Variants in METTL24 observed in about 807,000 individuals in gnomAD.
The protein encoded by METTL24 is probable methyltransferase-like protein 24.
Under a neutral mutation model 32.7 loss-of-function variants are expected in METTL24, and 29 were observed. That is an observed-to-expected ratio of 0.89 (90% CI 0.66 to 1.21). The LOEUF is 1.21. Ranked by LOEUF, METTL24 falls within the 50% of genes most tolerant of loss-of-function variation. The pLI is 0.00. For missense variants in METTL24, 439 were observed against 468.1 expected (o/e 0.94, Z 0.57); for synonymous variants, 163 against 179.5 (o/e 0.91, Z 0.73).
In METTL24 at chr6:110,271,310, T is replaced by C. The variant is rs186450071; in HGVS notation, c.787-25050A>G. ...ACGTTCTTTGTCTTTTTATTTTCTT[T>C]TTTGAGATAGGGTCTCGCTCTGTCG... On this transcript the variant is annotated intron_variant, in intron 4 of 4. Transcript: ENST00000338882. Among the ~76,000 whole-genome samples the C allele has an allele frequency of 3.9e-5, 6 of 152,142 alleles. No homozygotes were observed. The East Asian group carries it at 1.2e-3, about 30-fold the overall frequency.
chr6:110,302,249 G>C (rs1490994136), intron 3 of METTL24, among the ~76,000 whole-genome samples: 1 of 151,530 alleles, frequency 6.6e-6, no homozygotes, highest in Non-Finnish European at 1.5e-5. Flanking sequence ...CTGCACTCCA[G>C]CCTGGGTGAC....
intron 4 of METTL24, among the ~76,000 whole-genome samples, chr6:110,249,405 G>A (rs1323866161): frequency 6.6e-6 from 1 of 151,722 alleles, no homozygotes; most frequent in East Asian, 1.9e-4. Flanking sequence ...AATCAGAATT[G>A]TATAAGTTGA....
chr6:110,279,937 G>A (rs114056220), intron 4 of METTL24, among the ~76,000 whole-genome samples: 5,491 of 152,192 alleles, frequency 0.036, 330 homozygotes, highest in African/African-American at 0.12. Flanking sequence ...TTCTGGTAAG[G>A]CCTCAGGAAA....
intron 4 of METTL24, among the ~76,000 whole-genome samples, chr6:110,284,442 C>T (rs529081707): frequency 6.6e-5 from 10 of 152,040 alleles, no homozygotes; most frequent in South Asian, 2.1e-4. Context: ...AAGCACAGGA[C>T]GTTGCACATA....
chr6:110,298,803 A>C (rs1247325368), intron 4 of METTL24, 119 bp downstream of exon 4: 3 of 788,250 alleles, frequency 3.8e-6, no homozygotes, highest in Non-Finnish European at 6.1e-6. Context: ...GGTGATTAGT[A>C]AGATTAAAAT....
At chr6:110,335,386 T>C (rs919471309) in intron 1 of METTL24, among the ~76,000 whole-genome samples, 3 of 152,168 alleles carry the variant, frequency 2.0e-5, no homozygotes, top group African/African-American at 7.2e-5. Context: ...TCTAAGCTGA[T>C]GAAATCTCGA....
At chr6:110,316,474 C>T (rs1771821333) in intron 2 of METTL24, among the ~76,000 whole-genome samples, 1 of 152,220 alleles carries the variant, frequency 6.6e-6, no homozygotes, top group African/African-American at 2.4e-5. Context: ...CATCATGATG[C>T]TCCATGAATG....
intron 3 of METTL24, among the ~76,000 whole-genome samples, chr6:110,314,299 G>C (rs900801688): frequency 6.6e-6 from 1 of 152,128 alleles, no homozygotes. Flanking sequence ...AGAGTCTATG[G>C]AACAGGATGT....
intron 4 of METTL24, among the ~76,000 whole-genome samples, chr6:110,258,105 C>T (rs1778419513): frequency 6.6e-6 from 1 of 152,154 alleles, no homozygotes; most frequent in Non-Finnish European, 1.5e-5. Context: ...ATGCACAGAA[C>T]CTAACACAGA....
At chr6:110,273,068 T>C (rs188092736) in intron 4 of METTL24, among the ~76,000 whole-genome samples, 26 of 152,210 alleles carry the variant, frequency 1.7e-4, no homozygotes, top group African/African-American at 6.3e-4. Flanking sequence ...GTTTTTCCTA[T>C]ATTATCCTCT....
intron 4 of METTL24, among the ~76,000 whole-genome samples, chr6:110,251,964 C>T (rs1408659693): frequency 2.6e-5 from 4 of 151,838 alleles, no homozygotes; most frequent in East Asian, 1.9e-4. Context: ...GCCAACATGG[C>T]GAAATCCCTT....
chr6:110,301,497 G>T (rs972762122), intron 3 of METTL24, among the ~76,000 whole-genome samples: 1 of 152,184 alleles, frequency 6.6e-6, no homozygotes, highest in African/African-American at 2.4e-5. Context: ...CAGTGCTTCT[G>T]TTCTCTCTCT....
At chr6:110,332,234 AT>A (rs757317235) in intron 1 of METTL24, among the ~76,000 whole-genome samples, 5 of 152,250 alleles carry the variant, frequency 3.3e-5, no homozygotes, top group Non-Finnish European at 5.9e-5. Context: ...CCTCTAAGTT[AT>A]TTTGATAAGT....
rs1332142499 is a variant in METTL24 at position 110,346,504 on chromosome 6, C to CTCT, written c.318+11450_318+11451insAGA. Among the ~76,000 whole-genome samples, 12 of 133,978 alleles carry CTCT rather than the reference C, an allele frequency of 9.0e-5. No homozygotes were observed. The East Asian group carries it at 1.3e-3, about 14-fold the overall frequency. 87.9% of individuals were successfully genotyped at this position (133,978 alleles called of 152,430 possible). ...TCCCTATATTATTCTCTCTCTCTCT[C>CTCT]TTTTTTTTTTTTTTTGAGATGGAGT... On this transcript the variant is annotated intron_variant, in intron 1 of 4. Transcript: ENST00000338882.
chr6:110,337,002 C>T (rs1355800795), intron 1 of METTL24, among the ~76,000 whole-genome samples: 1 of 152,088 alleles, frequency 6.6e-6, no homozygotes, highest in African/African-American at 2.4e-5. Context: ...TTCACAATAG[C>T]AAAGACATGG....
At chr6:110,336,551 T>C (rs1772233772) in intron 1 of METTL24, among the ~76,000 whole-genome samples, 1 of 151,924 alleles carries the variant, frequency 6.6e-6, no homozygotes, top group South Asian at 2.1e-4. Flanking sequence ...CCATCCTGGC[T>C]AACACGGTGA....
At chr6:110,255,528 G>A (rs988434866) in intron 4 of METTL24, among the ~76,000 whole-genome samples, 6 of 152,094 alleles carry the variant, frequency 3.9e-5, no homozygotes, top group East Asian at 1.9e-4. Flanking sequence ...GGACCTGACC[G>A]AGGGCAGAGT....
intron 2 of METTL24, among the ~76,000 whole-genome samples, chr6:110,318,831 T>A (rs920553771): frequency 6.6e-6 from 1 of 152,136 alleles, no homozygotes; most frequent in Non-Finnish European, 1.5e-5. Context: ...AACTTTCTAG[T>A]TAAGATTTAT....
At chr6:110,334,171 A>G (rs553064902) in intron 1 of METTL24, among the ~76,000 whole-genome samples, 140 of 152,192 alleles carry the variant, frequency 9.2e-4, no homozygotes, top group Non-Finnish European at 1.7e-3. Context: ...GAGAACCTGC[A>G]ACCCGGGGGC....
Sources: gnomAD v4.1 joint callset for allele counts (sites outside exome capture counted in the v4.1 genomes callset) on GRCh38, gnomAD v4.1.1 for gene constraint, MANE v1.5 for transcripts, NCBI Gene and HGNC (gene_info 2026-07-23, HGNC 2026-07-21) for gene names.